Variants in SLC1A3 observed in about 807,000 individuals in gnomAD.
The protein encoded by SLC1A3 is excitatory amino acid transporter 1.
A neutral mutation model predicts 48.1 loss-of-function variants in SLC1A3; 21 were observed. That is an observed-to-expected ratio of 0.44 (90% CI 0.31 to 0.63). SLC1A3 has a LOEUF of 0.63. Among genes scored for constraint, SLC1A3 ranks in the 20% least tolerant of loss-of-function variants. The probability of loss-of-function intolerance (pLI) is 0.08; values close to 1 mark genes in which losing one functional copy is unlikely to be tolerated. For synonymous variants in SLC1A3, 239 were observed against 251.4 expected (o/e 0.95, Z 0.47); for missense variants, 546 against 689.0 (o/e 0.79, Z 2.32).
At chr5:36,624,571 T>C (rs1739826902) in intron 2 of SLC1A3, among the ~76,000 whole-genome samples, 2 of 152,234 alleles carry the variant, frequency 1.3e-5, no homozygotes, top group African/African-American at 4.8e-5. Context: ...CTCGATACAA[T>C]GCGTGAGGCA....
intron 3 of SLC1A3, among the ~76,000 whole-genome samples, chr5:36,646,252 T>C (rs187191425): frequency 1.8e-4 from 28 of 152,326 alleles, no homozygotes; most frequent in African/African-American, 6.7e-4. Context: ...AATCTGGAAT[T>C]GTAAAGAACG....
intron 4 of SLC1A3, among the ~76,000 whole-genome samples, chr5:36,671,945 C>T (rs1372958746): frequency 3.3e-5 from 5 of 152,218 alleles, no homozygotes; most frequent in Admixed American, 1.3e-4. Context: ...TACACACCTG[C>T]CCTTGCTCAG....
intron 1 of SLC1A3, among the ~76,000 whole-genome samples, chr5:36,601,088 G>A (rs1367145587): frequency 1.3e-5 from 2 of 152,162 alleles, no homozygotes; most frequent in Non-Finnish European, 1.5e-5. Flanking sequence ...TATAATAGTC[G>A]TTTCTGTGAT....
intron 6 of SLC1A3, among the ~76,000 whole-genome samples, chr5:36,679,065 T>C: frequency 6.6e-6 from 1 of 152,178 alleles, no homozygotes; most frequent in African/African-American, 2.4e-5. Context: ...ATAATAAAAG[T>C]GGCCCTTGAA....
intron 2 of SLC1A3, among the ~76,000 whole-genome samples, chr5:36,618,074 C>T (rs1166206049): frequency 6.6e-6 from 1 of 152,160 alleles, no homozygotes; most frequent in Non-Finnish European, 1.5e-5. Context: ...GTGCGGGTTC[C>T]GCAGACAGAC....
intron 3 of SLC1A3, chr5:36,668,524 G>A (rs1741853128): frequency 6.6e-6 from 1 of 152,180 alleles, no homozygotes; most frequent in African/African-American, 2.4e-5. Context: ...TTAAGGGAAG[G>A]ACCTACATGG....
intron 3 of SLC1A3, among the ~76,000 whole-genome samples, chr5:36,662,476 A>G (rs1395852852): frequency 6.6e-6 from 1 of 152,118 alleles, no homozygotes. Context: ...GTTACTAATC[A>G]CGACTCCCCG....
rs550733604 is a variant in SLC1A3, at chr5:36,652,830, T to A, written c.320-18199T>A. On this transcript the variant is annotated intron_variant, in intron 3 of 9. Transcript: ENST00000265113. Reference sequence around the variant, plus strand: ...ACACTTTCCCCAAAACAAAATAAAGTTAATACCTCTAAAAATTGAACTACA... The same window carrying A: ...ACACTTTCCCCAAAACAAAATAAAGATAATACCTCTAAAAATTGAACTACA... Among the ~76,000 whole-genome samples, 224 of 152,252 alleles carry A rather than the reference T, an allele frequency of 1.5e-3. 1 individual carries two copies. Among genetic ancestry groups the A allele is most frequent in the Middle Eastern group, 3.4e-3 (1 of 294 alleles).
At position 36,674,103 on chromosome 5, in the gene SLC1A3, A is replaced by G; in HGVS notation, c.567+12A>G. On this transcript the variant is annotated intron_variant, in intron 5 of 9. Coordinates refer to ENST00000265113, the MANE Select transcript of SLC1A3 (RefSeq NM_004172.5). ...CCTGCTTTAAACAGGTAAACACTCT[A>G]CAGACATTAACTTGCCTTTTAAATT... 1.2e-6 allele frequency: 2 copies of G among 1,607,314 alleles called. No homozygotes were observed. Among genetic ancestry groups the G allele is most frequent in the Non-Finnish European group, 1.7e-6 (2 of 1,173,932 alleles).
chr5:36,684,212 G>GGCACATCTGGCTGCC (rs1742554636), intron 9 of SLC1A3, among the ~76,000 whole-genome samples: 1 of 152,208 alleles, frequency 6.6e-6, no homozygotes, highest in African/African-American at 2.4e-5. Flanking sequence ...CAGCCTAAGG[G>GGCACATCTGGCTGCC]GCACATCTGG....
chr5:36,663,530 C>G (rs907994598), intron 3 of SLC1A3, among the ~76,000 whole-genome samples: 1 of 151,906 alleles, frequency 6.6e-6, no homozygotes, highest in South Asian at 2.1e-4. Flanking sequence ...CGTGAGCCAC[C>G]GCGCCCGGCC....
chr5:36,625,277 G>A (rs998229851), intron 2 of SLC1A3, among the ~76,000 whole-genome samples: 6 of 152,156 alleles, frequency 3.9e-5, no homozygotes, highest in African/African-American at 1.2e-4. Flanking sequence ...GGCCAACATG[G>A]CAGAACCCCA....
At chr5:36,678,306 C>T (rs1416580810) in intron 6 of SLC1A3, among the ~76,000 whole-genome samples, 4 of 152,198 alleles carry the variant, frequency 2.6e-5, no homozygotes. Flanking sequence ...GTGGTCTCCA[C>T]AGGAGCCCCC....
At chr5:36,651,500 T>C (rs2111848107) in intron 3 of SLC1A3, among the ~76,000 whole-genome samples, 1 of 152,212 alleles carries the variant, frequency 6.6e-6, no homozygotes, top group Middle Eastern at 3.4e-3. Flanking sequence ...TGGCTCCAGC[T>C]TGTGCCTTTC....
rs1580053325 is a variant in SLC1A3 at position 36,686,052 on chromosome 5, A to C, written c.1425-13A>C. The C allele has an allele frequency of 1.2e-6, 2 of 1,612,016 alleles. No homozygotes were observed. Among genetic ancestry groups the C allele is most frequent in the Non-Finnish European group, 1.7e-6 (2 of 1,178,462 alleles). On this transcript the variant is annotated splice_polypyrimidine_tract_variant and intron_variant, in intron 9 of 9. Transcript: ENST00000265113. ...GGAGCCTCGTTTTTCCCTCCTCCCC[A>C]CCCTGCCTGCAGGGATCGCCTCCGG...
At chr5:36,660,267 C>T (rs185500004) in intron 3 of SLC1A3, among the ~76,000 whole-genome samples, 32 of 152,250 alleles carry the variant, frequency 2.1e-4, no homozygotes, top group Admixed American at 8.5e-4. Flanking sequence ...TTTCTCTATA[C>T]GCCTTCCTAG....
At chr5:36,658,988 A>T (rs1396547017) in intron 3 of SLC1A3, among the ~76,000 whole-genome samples, 1 of 149,446 alleles carries the variant, frequency 6.7e-6, no homozygotes, top group East Asian at 1.9e-4. Flanking sequence ...CAACCTACCC[A>T]TTTTTTTTTT....
chr5:36,629,565 T>C lies in SLC1A3; in HGVS notation c.297T>C (p.Leu99=), dbSNP rs754571819. Reference sequence around the variant, plus strand: ...TGTTACAGATGCTGGTCTTACCACTTATCATCTCCAGTCTTGTCACAGGTA... The same window carrying C: ...TGTTACAGATGCTGGTCTTACCACTCATCATCTCCAGTCTTGTCACAGGTA... ...MRMLQMLVLP[L]IISSLVTGMA... Residue 99 remains leucine, a synonymous_variant, in exon 3 of 10, where the codon CTT becomes CTC. Coordinates refer to ENST00000265113, the MANE Select transcript of SLC1A3 (RefSeq NM_004172.5). 10 of 1,613,388 alleles carry C rather than the reference T, an allele frequency of 6.2e-6. No homozygotes were observed. The South Asian group carries it at 1.1e-4, about 18-fold the overall frequency.
intron 8 of SLC1A3, 75 bp from the exon 9 acceptor site, chr5:36,683,789 C>A (rs1021902170): frequency 2.0e-6 from 3 of 1,513,296 alleles, no homozygotes; most frequent in Non-Finnish European, 2.8e-6. Context: ...CGGCACCGTG[C>A]GTATTTTGCA....
Sources: gnomAD v4.1 joint callset for allele counts (sites outside exome capture counted in the v4.1 genomes callset) on GRCh38, gnomAD v4.1.1 for gene constraint, MANE v1.5 for transcripts, NCBI Gene and HGNC (gene_info 2026-07-23, HGNC 2026-07-21) for gene names.